Variants in SLC39A11 observed in about 807,000 individuals in gnomAD.
SLC39A11 encodes the protein zinc transporter ZIP11.
Under a neutral mutation model 36.1 loss-of-function variants are expected in SLC39A11, and 33 were observed. The ratio of observed to expected loss-of-function variants is 0.91; its 90% CI spans 0.69 to 1.22. SLC39A11 has a LOEUF of 1.22. SLC39A11 is among the 50% of genes most tolerant of loss of function. The pLI, the probability that SLC39A11 is intolerant of heterozygous loss-of-function variation, is 0.00. For missense variants in SLC39A11, 432 were observed against 430.3 expected (o/e 1.00, Z -0.03); for synonymous variants, 166 against 170.3 (o/e 0.97, Z 0.20).
At chr17:72,716,341 CCT>C (rs1491192137) in intron 7 of SLC39A11, among the ~76,000 whole-genome samples, 2 of 152,026 alleles carry the variant, frequency 1.3e-5, no homozygotes, top group African/African-American at 4.8e-5. Context: ...TGTGGTTGAA[CCT>C]TTTTTTTTTT....
chr17:72,655,308 A>G (rs1408348451), intron 7 of SLC39A11, among the ~76,000 whole-genome samples: 1 of 152,252 alleles, frequency 6.6e-6, no homozygotes, highest in Non-Finnish European at 1.5e-5. Flanking sequence ...GGGGTGGCCC[A>G]GTGGAGGACA....
intron 6 of SLC39A11, among the ~76,000 whole-genome samples, chr17:72,846,016 CTCTTTTTT>C (rs2079034592): frequency 1.2e-5 from 1 of 85,318 alleles, no homozygotes; most frequent in African/African-American, 5.0e-5. Flanking sequence ...CTCTCTCTCT[CTCTTTTTT>C]TTTTTTTTTT....
chr17:72,706,460 T>C (rs562203067), intron 7 of SLC39A11, among the ~76,000 whole-genome samples: 13 of 152,284 alleles, frequency 8.5e-5, no homozygotes, highest in African/African-American at 2.9e-4. Context: ...GCCAACTCTG[T>C]AGTGTTCCTA....
chr17:72,695,269 G>C (rs956127039), intron 7 of SLC39A11, among the ~76,000 whole-genome samples: 1 of 152,180 alleles, frequency 6.6e-6, no homozygotes, highest in African/African-American at 2.4e-5. Context: ...GGAGTTTTGA[G>C]CCATTCCTGG....
chr17:72,860,491 G>C (rs746921257), intron 5 of SLC39A11, among the ~76,000 whole-genome samples: 4 of 152,120 alleles, frequency 2.6e-5, no homozygotes, highest in Non-Finnish European at 5.9e-5. Context: ...TCCTCTCCTG[G>C]GGATTGTCAA....
chr17:72,779,427 AAAAATAAAAATAAAAT>A (rs143467551), intron 6 of SLC39A11, among the ~76,000 whole-genome samples: 11,284 of 152,114 alleles, frequency 0.074, 492 homozygotes, highest in African/African-American at 0.084. Flanking sequence ...TCAGTCTCAA[AAAAATAAAAATAAAAT>A]AAAATAAAAA....
chr17:72,648,559 G>A (rs935051635), intron 9 of SLC39A11, among the ~76,000 whole-genome samples: 1 of 152,026 alleles, frequency 6.6e-6, no homozygotes, highest in African/African-American at 2.4e-5. Flanking sequence ...TGCATCAAGG[G>A]ACGGGGGGCA....
intron 7 of SLC39A11, among the ~76,000 whole-genome samples, chr17:72,716,130 G>C (rs2073351826): frequency 6.6e-6 from 1 of 151,888 alleles, no homozygotes; most frequent in Non-Finnish European, 1.5e-5. Context: ...GAGCCCCCCT[G>C]CATTCCCAAC....
At chr17:72,954,615 G>GT (rs1233947573) in intron 4 of SLC39A11, among the ~76,000 whole-genome samples, 2 of 152,240 alleles carry the variant, frequency 1.3e-5, no homozygotes, top group African/African-American at 2.4e-5. Flanking sequence ...AATTGATGCT[G>GT]TTTTTATTAC....
At chr17:72,807,105 T>C (rs1305574165) in intron 6 of SLC39A11, among the ~76,000 whole-genome samples, 4 of 152,256 alleles carry the variant, frequency 2.6e-5, no homozygotes, top group African/African-American at 9.6e-5. Flanking sequence ...CAAGAGCTCC[T>C]TCTTAATCTA....
intron 4 of SLC39A11, among the ~76,000 whole-genome samples, chr17:73,003,201 T>G (rs747285057): frequency 1.3e-5 from 2 of 152,226 alleles, no homozygotes; most frequent in African/African-American, 2.4e-5. Flanking sequence ...TTTGAAATGT[T>G]AGTTTGATAT....
chr17:72,908,349 G>A (rs1380038619), intron 5 of SLC39A11, among the ~76,000 whole-genome samples: 5 of 152,178 alleles, frequency 3.3e-5, no homozygotes, highest in Non-Finnish European at 5.9e-5. Context: ...GAGAGATTTT[G>A]GGGGTAGGTA....
intron 4 of SLC39A11, among the ~76,000 whole-genome samples, chr17:72,980,211 T>C (rs1043479452): frequency 2.2e-4 from 33 of 152,128 alleles, no homozygotes; most frequent in African/African-American, 7.5e-4. Flanking sequence ...AAGACAAAAT[T>C]AGTGGTGGCT....
intron 5 of SLC39A11, among the ~76,000 whole-genome samples, chr17:72,894,937 G>C (rs1393541387): frequency 6.6e-6 from 1 of 152,098 alleles, no homozygotes; most frequent in Non-Finnish European, 1.5e-5. Flanking sequence ...ATAAGCAGCA[G>C]GAACTGACCA....
chr17:72,949,335 G>A (rs1484021071), intron 4 of SLC39A11, among the ~76,000 whole-genome samples: 1 of 151,256 alleles, frequency 6.6e-6, no homozygotes, highest in Admixed American at 6.6e-5. Flanking sequence ...TAATCTTTGT[G>A]TTTTTAGTGG....
chr17:72,730,791 A>C (rs11655134), intron 7 of SLC39A11, among the ~76,000 whole-genome samples: 16,773 of 152,180 alleles, frequency 0.11, 1,006 homozygotes, highest in African/African-American at 0.13. Context: ...CCCTGAGTAG[A>C]TGGGACCACA....
At chr17:72,729,440 TATATATATATATATA>T (rs2074106670) in intron 7 of SLC39A11, among the ~76,000 whole-genome samples, 2 of 5,310 alleles carry the variant, frequency 3.8e-4, no homozygotes, top group African/African-American at 8.2e-4. Context: ...TATATATATA[TATATATATATATATA>T]TATTTTTTTT....
chr17:72,828,154 C>T (rs186269599), intron 6 of SLC39A11, among the ~76,000 whole-genome samples: 297 of 152,308 alleles, frequency 1.9e-3, no homozygotes, highest in Middle Eastern at 0.01. Context: ...GTCCTAATCT[C>T]GAGAATCTGA....
At chr17:72,814,819 C>T (rs113431269) in intron 6 of SLC39A11, among the ~76,000 whole-genome samples, 4 of 152,194 alleles carry the variant, frequency 2.6e-5, no homozygotes, top group African/African-American at 4.8e-5. Context: ...CTCTGAAGAG[C>T]CCTCACAATT....
Sources: gnomAD v4.1 joint callset for allele counts (sites outside exome capture counted in the v4.1 genomes callset) on GRCh38, gnomAD v4.1.1 for gene constraint, MANE v1.5 for transcripts, NCBI Gene and HGNC (gene_info 2026-07-23, HGNC 2026-07-21) for gene names.